ZMYM3: variants seen among roughly 807,000 people sequenced by gnomAD.
ZMYM3 encodes the protein zinc finger MYM-type containing 3.
In ZMYM3, 6 loss-of-function variants were observed where a neutral mutation model predicts 94.2. The ratio of observed to expected loss-of-function variants is 0.06; its 90% CI spans 0.03 to 0.13. The LOEUF (loss-of-function observed/expected upper bound fraction) is 0.13, where lower values mean the gene tolerates loss of function less well. Ranked by LOEUF, ZMYM3 falls within the 10% of genes least tolerant of loss-of-function variation. The probability of loss-of-function intolerance (pLI) is 1.00; values close to 1 mark genes in which losing one functional copy is unlikely to be tolerated. For missense variants in ZMYM3, 664 were observed against 1,132.6 expected (o/e 0.59, Z 5.94); for synonymous variants, 420 against 426.5 (o/e 0.98, Z 0.19).
Position 71,250,731 on chromosome X carries a change from G to C in ZMYM3, c.779-5C>G. The stretch of plus-strand genomic sequence containing the variant: ...AATCCTCATCTGACACTGGAACTGA[G>C]AAAGTGGGGGGATGGACATGAGAAA... On this transcript the variant is annotated splice_region_variant and splice_polypyrimidine_tract_variant and intron_variant, in intron 4 of 24. Coordinates refer to ENST00000314425, the MANE Select transcript of ZMYM3 (RefSeq NM_201599.3). 1 of 1,182,446 alleles carries C rather than the reference G, an allele frequency of 8.5e-7. No individual in the cohort carries two copies. Among genetic ancestry groups the C allele is most frequent in the South Asian group, 1.9e-5 (1 of 53,066 alleles).
Position 71,253,149 on chromosome X carries a change from T to C in ZMYM3, c.107A>G (p.Glu36Gly). Reference protein sequence around the residue: ...VDMEFGEDLLESQTAPTRGWA... With the variant: ...VDMEFGEDLLGSQTAPTRGWA... ...TCCTCGAGTTGGGGCAGTCTGGGAT[T>C]CCAGTAGATCCTCTCCAAATTCCAT... Residue 36 changes from glutamate to glycine, a missense_variant, in exon 2 of 25, where the codon GAA (glutamate) becomes GGA (glycine). By Grantham distance (98) the Glu-to-Gly change is moderately conservative. Coordinates refer to ENST00000314425, the MANE Select transcript of ZMYM3 (RefSeq NM_201599.3). 8.3e-7 allele frequency: 1 copy of C among 1,204,991 alleles called. No homozygotes were observed. Among genetic ancestry groups the C allele is most frequent in the Non-Finnish European group, 1.1e-6 (1 of 892,102 alleles).
chrX:71,250,128 G>A lies in ZMYM3; in HGVS notation c.1149C>T (p.Ser383=), dbSNP rs763924206. Reference sequence around the variant, plus strand: ...GGGCCTCATACAGGGAGAGACAGACGGATGTGCAGAACTCATGGAAGGAGC... The same window carrying A: ...GGGCCTCATACAGGGAGAGACAGACAGATGTGCAGAACTCATGGAAGGAGC... ...SGGSFHEFCT[S]VCLSLYEAQQ... The change falls in exon 6 of 25, where the codon TCC becomes TCT. Residue 383 remains serine, a synonymous_variant. Coordinates refer to ENST00000314425, the MANE Select transcript of ZMYM3 (RefSeq NM_201599.3). 2.4e-5 allele frequency: 29 copies of A among 1,205,990 alleles called. No individual in the cohort carries two copies. The highest frequency in any genetic ancestry group is 3.5e-5 in the African/African-American group (2 of 57,254).
rs761028862 is a variant in ZMYM3 at position 71,242,977 on chromosome X, G to T, written c.3540C>A (p.Leu1180=). Residue 1180 remains leucine, a synonymous_variant, in exon 22 of 25, where the codon CTC becomes CTA. Coordinates refer to ENST00000314425, the MANE Select transcript of ZMYM3 (RefSeq NM_201599.3). ...TACGTCCCTGTTCCTTACTGTTGGG[G>T]AGGAGTGTGGGCTGCCAGGTACTCA... ...KSLSTWQPTL[L]PNNTVFSRVE... 1.7e-6 allele frequency: 2 copies of T among 1,209,837 alleles called. No homozygotes were observed. The highest frequency in any genetic ancestry group is 2.2e-6 in the Non-Finnish European group (2 of 893,726).
At chrX:71,251,923 C>A (rs1375397784) in intron 2 of ZMYM3, 1 of 718,994 alleles carries the variant, frequency 1.4e-6, no homozygotes, top group African/African-American at 2.3e-5. Flanking sequence ...AAAACACACA[C>A]AACCACCCAA....
In ZMYM3 at chrX:71,244,594, T is replaced by C. The variant is rs1602359427; in HGVS notation, c.3112-124A>G. ...GATGTAAGCACACAGCAAGCTTCCATAGCACAGAGCCCCAGGAACAGCTTT... is the reference window on the plus strand; with the variant it reads ...GATGTAAGCACACAGCAAGCTTCCACAGCACAGAGCCCCAGGAACAGCTTT... On this transcript the variant is annotated intron_variant, in intron 19 of 24. Transcript: ENST00000314425. The C allele has an allele frequency of 8.8e-6, 8 of 912,545 alleles. No homozygotes were observed. The African/African-American group carries it at 1.2e-4, about 14-fold the overall frequency. The allele number at this position is 912,545 out of a possible 1,213,427, so 75.2% of individuals were successfully genotyped here.
Position 71,250,631 on chromosome X carries a change from G to A in ZMYM3, c.874C>T (p.Leu292=). ...GCCCTTTGTGACACACTTGAGCGTA[G>A]GGACATGCGAGGAGAGCGCCGGGGC... ...FRPRRSPRMS[L]RSSVSQRAGR... The change falls in exon 5 of 25, where the codon CTA becomes TTA. Residue 292 remains leucine (L), a synonymous_variant. Coordinates refer to ENST00000314425, the MANE Select transcript of ZMYM3 (RefSeq NM_201599.3). 3 of 1,211,217 alleles carry A rather than the reference G, an allele frequency of 2.5e-6. 1 individual carries two copies.
chrX:71,247,988 C>A, intron 11 of ZMYM3, 82 bp from the exon 12 acceptor site: 1 of 1,099,838 alleles, frequency 9.1e-7, no homozygotes, highest in Admixed American at 2.9e-5. Flanking sequence ...AGGTGCTATA[C>A]CTGAAACCTC....
intron 23 of ZMYM3, 114 bp from the exon 24 acceptor site, chrX:71,241,458 A>T: frequency 5.6e-6 from 3 of 536,374 alleles, no homozygotes; most frequent in Non-Finnish European, 8.5e-6. Context: ...TTACAGTCTC[A>T]TCAAGATGGA....
intron 15 of ZMYM3, 116 bp from the exon 16 acceptor site, chrX:71,246,214 A>G: frequency 5.6e-6 from 6 of 1,064,371 alleles, no homozygotes; most frequent in Non-Finnish European, 7.7e-6. Context: ...AGGCTGAAAG[A>G]CACCTCTATG....
rs1211519140 is a variant in ZMYM3, at chrX:71,245,798, G to A, written c.2730C>T (p.Asp910=). 3 of 1,209,205 alleles carry A rather than the reference G, an allele frequency of 2.5e-6. No homozygotes were observed. Among genetic ancestry groups the A allele is most frequent in the Non-Finnish European group, 3.4e-6 (3 of 895,087 alleles). ...MFLPTTLEST[D]KIVETIEELK... is the part of the protein sequence containing the mutation. ...GCTCCTCAATGGTCTCTACAATCTT[G>A]TCTGTGCTCTCCAAGGTAGTGGGCA... The change falls in exon 17 of 25, where the codon GAC becomes GAT. Residue 910 remains aspartate (D), a synonymous_variant. Coordinates refer to ENST00000314425, the MANE Select transcript of ZMYM3 (RefSeq NM_201599.3).
chrX:71,247,281 T>C lies in ZMYM3; in HGVS notation c.2314+64A>G, dbSNP rs532520789. On this transcript the variant is annotated intron_variant, in intron 13 of 24. Transcript: ENST00000314425. ...AACGCAAGAGGAAGGAGAAAGGGGC[T>C]AGGCTTAGGATTAGGAGAGTCCAGG... 4 of 1,072,169 alleles carry C rather than the reference T, an allele frequency of 3.7e-6. No homozygotes were observed. The African/African-American group carries it at 5.5e-5, about 15-fold the overall frequency. The allele number at this position is 1,072,169 out of a possible 1,213,427, so 88.4% of individuals were successfully genotyped here.
chrX:71,242,444 G>A lies in ZMYM3; in HGVS notation c.3548-20C>T. 7 of 1,206,293 alleles carry A rather than the reference G, an allele frequency of 5.8e-6. No individual in the cohort carries two copies. Among genetic ancestry groups the A allele is most frequent in the Non-Finnish European group, 7.9e-6 (7 of 891,631 alleles). ...CCGTATCTACAATGGTCAAGGGGGA[G>A]AGGCCAGTCAGGAGGGAGTGGCTAC... On this transcript the variant is annotated intron_variant, in intron 22 of 24. Transcript: ENST00000314425.
At position 71,246,435 on chromosome X, in the gene ZMYM3, G is replaced by A. The variant is rs1299011515; in HGVS notation, c.2490C>T (p.Asn830=). ...TCAGTGGCTTACACATGGCAGCCTTGTTTTTGCGGGGTGTTGCTGGGGGTG... is the reference window on the plus strand; with the variant it reads ...TCAGTGGCTTACACATGGCAGCCTTATTTTTGCGGGGTGTTGCTGGGGGTG... ...PPPPPATPRK[N]KAAMCKPLMQ... The change falls in exon 15 of 25, where the codon AAC becomes AAT. Residue 830 remains asparagine, a synonymous_variant. Transcript: ENST00000314425. 3.3e-6 allele frequency: 2 copies of A among 611,972 alleles called. No homozygotes were observed. The highest frequency in any genetic ancestry group is 4.1e-6 in the Non-Finnish European group (2 of 487,867). 50.4% of individuals were successfully genotyped at this position (611,972 alleles called of 1,213,427 possible).
chrX:71,241,200 G>A, intron 24 of ZMYM3, 27 bp downstream of exon 24: 4 of 1,187,190 alleles, frequency 3.4e-6, no homozygotes, highest in Admixed American at 2.2e-5. Context: ...CCATGCTAAC[G>A]CTTTTCCTGC....
chrX:71,246,756 G>C, intron 13 of ZMYM3, 64 bp from the exon 14 acceptor site: 1 of 1,046,906 alleles, frequency 9.6e-7, no homozygotes, highest in Non-Finnish European at 1.3e-6. Context: ...CCTTACCCCT[G>C]TTCCAGGAGA....
At chrX:71,246,566 T>C (rs775957537) in intron 14 of ZMYM3, 29 bp downstream of exon 14, 4 of 1,207,644 alleles carry the variant, frequency 3.3e-6, no homozygotes, top group Non-Finnish European at 4.5e-6. Context: ...TCCTCTGAGA[T>C]TATCCTCCCC....
chrX:71,248,071 C>A, intron 11 of ZMYM3, 91 bp downstream of exon 11: 1 of 1,153,913 alleles, frequency 8.7e-7, no homozygotes, highest in Non-Finnish European at 1.2e-6. Flanking sequence ...AAGGCCCTGC[C>A]TCATGGACCA....
Position 71,254,097 on chromosome X carries a change from C to T in ZMYM3, c.-88G>A, listed in dbSNP as rs1185724152. 3 of 111,378 alleles carry T rather than the reference C, an allele frequency of 2.7e-5. No individual in the cohort carries two copies. The highest frequency in any genetic ancestry group is 3.8e-5 in the Non-Finnish European group (2 of 52,980). 9.2% of individuals were successfully genotyped at this position (111,378 alleles called of 1,213,427 possible). ...ACAGCGACGGCCCCGCGCTCCTTCTCTACCTCCCTCCCTAGCAGCCGGGAC... is the reference window on the plus strand; with the variant it reads ...ACAGCGACGGCCCCGCGCTCCTTCTTTACCTCCCTCCCTAGCAGCCGGGAC... On this transcript the variant is annotated 5_prime_UTR_variant, in exon 1 of 25. Transcript: ENST00000314425.
chrX:71,240,976 G>A lies in ZMYM3; in HGVS notation c.4053C>T (p.Ile1351=). The A allele has an allele frequency of 8.3e-7, 1 of 1,211,612 alleles. No homozygotes were observed. Among genetic ancestry groups the A allele is most frequent in the South Asian group, 1.8e-5 (1 of 56,982 alleles). The change falls in exon 25 of 25, where the codon ATC becomes ATT. Residue 1351 remains isoleucine (I), a synonymous_variant. Coordinates refer to ENST00000314425, the MANE Select transcript of ZMYM3 (RefSeq NM_201599.3). ...RSMLESMLNR[I]LAVREIYEEL... The stretch of plus-strand genomic sequence containing the variant: ...CCTCATAAATCTCGCGCACAGCCAG[G>A]ATGCGATTGAGCATGCTCTCCAACA...
Sources: allele counts gnomAD v4.1 joint callset, GRCh38; gene constraint gnomAD v4.1.1; transcripts MANE v1.5; gene names NCBI Gene and HGNC (gene_info 2026-07-23, HGNC 2026-07-21).